SRGAP3: variants seen among roughly 807,000 people sequenced by gnomAD.
SRGAP3 encodes the protein SLIT-ROBO Rho GTPase-activating protein 3.
Under a neutral mutation model 121.1 loss-of-function variants are expected in SRGAP3, and 39 were observed. The observed-to-expected ratio is 0.32, with a 90% CI of 0.25 to 0.42. The LOEUF is 0.42. Among genes scored for constraint, SRGAP3 ranks in the 10% least tolerant of loss-of-function variants. The pLI, the probability that SRGAP3 is intolerant of heterozygous loss-of-function variation, is 1.00. For missense variants in SRGAP3, 1,213 were observed against 1,470.6 expected (o/e 0.82, Z 2.86); for synonymous variants, 601 against 570.0 (o/e 1.05, Z -0.77).
At chr3:9,192,252 T>C (rs1951775262) in intron 1 of SRGAP3, among the ~76,000 whole-genome samples, 2 of 152,220 alleles carry the variant, frequency 1.3e-5, no homozygotes, top group African/African-American at 2.4e-5. Context: ...CCTGATGGAA[T>C]AGAGTATCTT....
intron 10 of SRGAP3, among the ~76,000 whole-genome samples, chr3:9,039,918 T>A (rs1944939861): frequency 6.6e-6 from 1 of 152,194 alleles, no homozygotes; most frequent in Non-Finnish European, 1.5e-5. Context: ...CTTAAATGTT[T>A]CCCATAGCAC....
intron 3 of SRGAP3, among the ~76,000 whole-genome samples, chr3:9,080,878 T>C (rs1226900296): frequency 2.0e-5 from 3 of 152,180 alleles, no homozygotes; most frequent in Admixed American, 6.5e-5. Flanking sequence ...GGCTCAGGGC[T>C]CAAACTGATT....
rs532602901 is a variant in SRGAP3 at position 9,123,732 on chromosome 3, A to ATGTG, written c.260+989_260+992dup. ...AATATATATATATATATATGTATAT[A>ATGTG]TGTGTGTGTGTGTGTGTGTGTGTAT... On this transcript the variant is annotated intron_variant, in intron 2 of 21. Coordinates refer to ENST00000383836, the MANE Select transcript of SRGAP3 (RefSeq NM_014850.4). Among the ~76,000 whole-genome samples the ATGTG allele has an allele frequency of 4.6e-4, 64 of 139,112 alleles. 1 individual carries two copies. The highest frequency in any genetic ancestry group is 7.2e-4 in the Admixed American group (10 of 13,886). 91.3% of individuals were successfully genotyped at this position (139,112 alleles called of 152,430 possible). A position where few individuals can be genotyped will look rare whatever the true frequency, so the allele number is the denominator to read the frequency against.
At chr3:9,114,220 G>T (rs575616254) in intron 2 of SRGAP3, among the ~76,000 whole-genome samples, 1 of 152,150 alleles carries the variant, frequency 6.6e-6, no homozygotes, top group African/African-American at 2.4e-5. Context: ...TCTGTGAAAC[G>T]AAGTGACGAC....
At chr3:9,147,614 G>A (rs142172793) in intron 1 of SRGAP3, among the ~76,000 whole-genome samples, 1 of 152,246 alleles carries the variant, frequency 6.6e-6, no homozygotes, top group Non-Finnish European at 1.5e-5. Flanking sequence ...TTAGCCAGAT[G>A]AGCCCTTCCA....
intron 1 of SRGAP3, among the ~76,000 whole-genome samples, chr3:9,230,318 A>C (rs1278585324): frequency 1.3e-5 from 2 of 152,226 alleles, no homozygotes; most frequent in East Asian, 3.8e-4. Flanking sequence ...GTTCAATACC[A>C]ACAACTGTGT....
intron 3 of SRGAP3, chr3:9,293,369 C>G (rs1036309649): frequency 1.3e-5 from 2 of 152,194 alleles, no homozygotes; most frequent in Non-Finnish European, 2.9e-5. Flanking sequence ...ACAACTTAAT[C>G]ACAAACGGAC....
At chr3:9,146,785 C>A (rs1209368809) in intron 1 of SRGAP3, among the ~76,000 whole-genome samples, 1 of 152,184 alleles carries the variant, frequency 6.6e-6, no homozygotes, top group East Asian at 1.9e-4. Flanking sequence ...ACAAGGTACA[C>A]CCTGCAGGGC....
chr3:8,990,657 A>G lies in SRGAP3; in HGVS notation c.2741T>C (p.Met914Thr). The G allele has an allele frequency of 1.2e-6, 2 of 1,613,620 alleles. No individual in the cohort carries two copies. The highest frequency in any genetic ancestry group is 1.1e-5 in the South Asian group (1 of 91,050). Residue 914 changes from methionine (M) to threonine (T), a missense_variant, in exon 21 of 22, where the codon ATG becomes ACG. Physicochemically the swap from Met to Thr is moderately conservative, Grantham distance 81. This residue lies in a region of SRGAP3 where 420 missense variants were observed against 437.7 expected (regional missense o/e 0.96). Transcript: ENST00000383836. ...GRIESPEKRR[M>T]ATFGSAGSIN... ...GCTGCCAGCGCTCCCGAACGTCGCC[A>G]TCCTCCGCTTCTCAGGGCTCTCGAT... is the stretch of plus-strand genomic sequence containing the variant.
At chr3:9,274,735 G>C (rs1426316102) in intron 3 of SRGAP3, among the ~76,000 whole-genome samples, 1 of 152,186 alleles carries the variant, frequency 6.6e-6, no homozygotes, top group Admixed American at 6.6e-5. Flanking sequence ...CAATGGGAAG[G>C]GGAGCTGAAA....
At chr3:9,017,534 T>C (rs539859633) in intron 14 of SRGAP3, among the ~76,000 whole-genome samples, 2 of 152,144 alleles carry the variant, frequency 1.3e-5, no homozygotes, top group Non-Finnish European at 2.9e-5. Context: ...TCAAGAGATA[T>C]ATGGTCAGAA....
At chr3:9,009,558 A>C (rs1036714715) in intron 18 of SRGAP3, among the ~76,000 whole-genome samples, 1 of 152,090 alleles carries the variant, frequency 6.6e-6, no homozygotes, top group African/African-American at 2.4e-5. Flanking sequence ...ATTTTAGTGG[A>C]CCTCTACAAG....
At chr3:9,291,324 A>G (rs17801841) in intron 3 of SRGAP3, among the ~76,000 whole-genome samples, 33,334 of 152,114 alleles carry the variant, frequency 0.22, 4,523 homozygotes, top group Non-Finnish European at 0.3. Context: ...CTCTCATTAC[A>G]TCTCAGCAGC....
At chr3:9,015,786 C>T (rs1943608964) in intron 14 of SRGAP3, 55 bp from the exon 15 acceptor site, 22 of 1,609,542 alleles carry the variant, frequency 1.4e-5, no homozygotes, top group South Asian at 4.4e-5. Context: ...AGTCAGAGAA[C>T]GTGCAGATGG....
intron 18 of SRGAP3, among the ~76,000 whole-genome samples, chr3:9,009,423 G>A (rs1367358165): frequency 1.3e-5 from 2 of 151,992 alleles, no homozygotes; most frequent in Non-Finnish European, 2.9e-5. Context: ...GCCTGCATGG[G>A]TCCCTTCCTC....
intron 9 of SRGAP3, among the ~76,000 whole-genome samples, chr3:9,049,713 T>G (rs941446855): frequency 6.6e-6 from 1 of 151,856 alleles, no homozygotes; most frequent in East Asian, 1.9e-4. Context: ...GAGGAACCAG[T>G]GAGGCCCAGA....
chr3:9,100,341 C>A (rs544274585), intron 3 of SRGAP3, among the ~76,000 whole-genome samples: 146 of 152,268 alleles, frequency 9.6e-4, no homozygotes, highest in Admixed American at 7.4e-3. Context: ...AGGGGCACTT[C>A]CACTGTGAAT....
intron 3 of SRGAP3, among the ~76,000 whole-genome samples, chr3:9,282,937 CTTTT>C (rs1332181335): frequency 1.3e-5 from 2 of 151,730 alleles, no homozygotes; most frequent in African/African-American, 2.4e-5. Context: ...GTGGTAGTTT[CTTTT>C]TTTTGTTTGT....
At chr3:9,240,256 A>T (rs750215569) in intron 1 of SRGAP3, among the ~76,000 whole-genome samples, 2 of 152,216 alleles carry the variant, frequency 1.3e-5, no homozygotes, top group Non-Finnish European at 2.9e-5. Flanking sequence ...TTGCCAGCCA[A>T]GATGTTTTAT....
Sources: gnomAD v4.1 joint callset for allele counts (sites outside exome capture counted in the v4.1 genomes callset) on GRCh38, gnomAD v4.1.1 for gene constraint, gnomAD v4.1.1 regional missense constraint, MANE v1.5 for transcripts, NCBI Gene and HGNC (gene_info 2026-07-23, HGNC 2026-07-21) for gene names.